The following CASKIN1 variants were observed in gnomAD, a reference collection of about 807,000 sequenced individuals.
CASKIN1 encodes caskin-1.
Under a neutral mutation model 117.5 loss-of-function variants are expected in CASKIN1, and 42 were observed. The ratio of observed to expected loss-of-function variants is 0.36; its 90% confidence interval spans 0.28 to 0.46. The LOEUF is 0.46. Among genes scored for constraint, CASKIN1 ranks in the 20% least tolerant of loss-of-function variants. The probability of loss-of-function intolerance (pLI) is 1.00; values close to 1 mark genes in which losing one functional copy is unlikely to be tolerated. For missense variants in CASKIN1, 2,083 were observed against 2,077.3 expected, an observed-to-expected ratio of 1.00 and a Z score of -0.05; for synonymous variants, 1,148 against 961.7, an observed-to-expected ratio of 1.19 and a Z score of -3.59.
intron 10 of CASKIN1, among the ~76,000 whole-genome samples, 163 bp from the exon 11 acceptor site, chr16:2,185,571 C>T (rs879399198): frequency 5.3e-5 from 8 of 152,250 alleles, no homozygotes; most frequent in Admixed American, 1.3e-4. Flanking sequence ...CCACCCCAGA[C>T]GTTTAGAGCA....
chr16:2,186,880 G>A, intron 9 of CASKIN1, 56 bp from the exon 10 acceptor site: 1 of 1,603,630 alleles, frequency 6.2e-7, no homozygotes, highest in Non-Finnish European at 8.5e-7. Flanking sequence ...AGAGTCTCCT[G>A]CCCAGTGCCC....
In CASKIN1 at chr16:2,181,460, C is replaced by T. The variant is rs570994763; in HGVS notation, c.1908G>A (p.Pro636=). The T allele has an allele frequency of 2.1e-5, 34 of 1,611,798 alleles. No homozygotes were observed. Among genetic ancestry groups the T allele is most frequent in the East Asian group, 4.5e-5 (2 of 44,862 alleles). Reference sequence around the variant, plus strand: ...GGCAGTCGGCCGGTGTGGGCTCAGGCGGGGGCGGCGACTCGATGGCCATCA... The same window carrying T: ...GGCAGTCGGCCGGTGTGGGCTCAGGTGGGGGCGGCGACTCGATGGCCATCA... ...LEVMAIESPP[P]PEPTPADCQS... is the part of the protein sequence containing the mutation. Residue 636 remains proline (P), a synonymous_variant, in exon 18 of 20, where the codon CCG becomes CCA. Coordinates refer to ENST00000343516, the MANE Select transcript of CASKIN1 (RefSeq NM_020764.4).
chr16:2,187,806 A>T (rs1312411721), intron 6 of CASKIN1, among the ~76,000 whole-genome samples: 1 of 150,774 alleles, frequency 6.6e-6, no homozygotes, highest in African/African-American at 2.5e-5. Flanking sequence ...TTTTTAGTAG[A>T]GACGGGGTTT....
In CASKIN1 at chr16:2,177,862, A is replaced by G. The variant is rs1596682825; in HGVS notation, c.*688T>C. On this transcript the variant is annotated 3_prime_UTR_variant, in exon 20 of 20. Transcript: ENST00000343516. ...AGCACGGAGGAGCCCCCGGCAGAGC[A>G]CCCGCCCCCGGGCCCCAGCCTTCCA... The G allele has an allele frequency of 3.5e-6, 1 of 289,008 alleles. No homozygotes were observed. Among genetic ancestry groups the G allele is most frequent in the Non-Finnish European group, 6.6e-6 (1 of 150,856 alleles). 17.9% of individuals were successfully genotyped at this position (289,008 alleles called of 1,614,324 possible).
chr16:2,195,676 C>T (rs942261688), intron 1 of CASKIN1, among the ~76,000 whole-genome samples: 1 of 152,194 alleles, frequency 6.6e-6, no homozygotes, highest in Non-Finnish European at 1.5e-5. Flanking sequence ...AGCTGGAGAC[C>T]CGGCTCTGCT....
Position 2,196,085 on chromosome 16 carries a change from C to T in CASKIN1, c.94+254G>A, listed in dbSNP as rs950973707. ...GTAGAGAGAGAGGGATGCGAACGCC[C>T]GCGGCCCGGGAGGCGGGTGCCGCCA... On this transcript the variant is annotated intron_variant, in intron 1 of 19. Coordinates refer to ENST00000343516, the MANE Select transcript of CASKIN1 (RefSeq NM_020764.4). The surrounding 1 kb of genome is among the most constrained non-coding windows in gnomAD (Gnocchi z 5.7). 9.2e-5 allele frequency among the ~76,000 whole-genome samples: 14 copies of T among 152,162 alleles called. No individual in the cohort carries two copies. The highest frequency in any genetic ancestry group is 3.4e-3 in the Middle Eastern group (1 of 292).
In CASKIN1 at chr16:2,180,297, G is replaced by A; in HGVS notation, c.3071C>T (p.Pro1024Leu). Residue 1024 changes from proline to leucine, a missense_variant, in exon 18 of 20, where the codon CCT becomes CTT. Physicochemically the swap from Pro to Leu is moderately conservative, Grantham distance 98 (BLOSUM62 -3). Around this residue, in one of 3 missense-constraint regions of CASKIN1, gnomAD observed 1,818 missense variants for 1,688.9 expected, o/e 1.08. Coordinates refer to ENST00000343516, the MANE Select transcript of CASKIN1 (RefSeq NM_020764.4). Reference protein sequence around the residue: ...GGGGRAARRPPEGHPTPRPAS... With the variant: ...GGGGRAARRPLEGHPTPRPAS... ...AGGGCGGGGAGTGGGGTGGCCCTCA[G>A]GAGGCCTGCGGGCAGCCCGGCCCCC... The A allele has an allele frequency of 6.3e-7, 1 of 1,584,096 alleles. No individual in the cohort carries two copies. The highest frequency in any genetic ancestry group is 8.6e-7 in the Non-Finnish European group (1 of 1,169,244).
rs1567263108 is a variant in CASKIN1 at position 2,189,409 on chromosome 16, CG to C, written c.390+9del. The stretch of plus-strand genomic sequence containing the variant: ...CCGCCCCCGCTGCCCCGCCCCCGCT[CG>C]GGCCTCACCACATCATAGTGACCAT... On this transcript the variant is annotated intron_variant, in intron 4 of 19. Transcript: ENST00000343516. 1 of 1,610,430 alleles carries C rather than the reference CG, an allele frequency of 6.2e-7. No homozygotes were observed.
intron 10 of CASKIN1, 64 bp from the exon 11 acceptor site, chr16:2,185,472 G>T: frequency 1.5e-6 from 2 of 1,378,196 alleles, no homozygotes; most frequent in Non-Finnish European, 2.0e-6. Flanking sequence ...CGCAGGGGAG[G>T]CAGGACAGAG....
chr16:2,184,132 G>C (rs1198106158), intron 14 of CASKIN1, among the ~76,000 whole-genome samples, 191 bp from the exon 15 acceptor site: 1 of 151,538 alleles, frequency 6.6e-6, no homozygotes, highest in African/African-American at 2.4e-5. Flanking sequence ...GGCGCCTCCT[G>C]GAGCATCCTC....
intron 19 of CASKIN1, 115 bp downstream of exon 19, chr16:2,178,787 C>A (rs1567256723): frequency 8.3e-7 from 1 of 1,198,982 alleles, no homozygotes; most frequent in South Asian, 1.9e-5. Flanking sequence ...GCTCACGGCA[C>A]GCCCATCTCT....
chr16:2,189,613 C>T (rs748739542), intron 3 of CASKIN1, 49 bp from the exon 4 acceptor site: 4 of 1,544,446 alleles, frequency 2.6e-6, no homozygotes, highest in Non-Finnish European at 3.5e-6. Flanking sequence ...CCAAACCCAA[C>T]CCTGGAGGAT....
rs536728811 is a variant in CASKIN1 at position 2,178,192 on chromosome 16, C to T, written c.*358G>A. 2 of 446,720 alleles carry T rather than the reference C, an allele frequency of 4.5e-6. No homozygotes were observed. The highest frequency in any genetic ancestry group is 5.2e-5 in the East Asian group (1 of 19,088). The allele number at this position is 446,720 out of a possible 1,614,324, so 27.7% of individuals were successfully genotyped here. On this transcript the variant is annotated 3_prime_UTR_variant, in exon 20 of 20. Coordinates refer to ENST00000343516, the MANE Select transcript of CASKIN1 (RefSeq NM_020764.4). Reference sequence around the variant, plus strand: ...TTGGTCCCCTGTCCCTTGTGCTGCGCCCGAGCGGCTGGCCGGGCGTCCCGA... The same window carrying T: ...TTGGTCCCCTGTCCCTTGTGCTGCGTCCGAGCGGCTGGCCGGGCGTCCCGA...
Position 2,189,220 on chromosome 16 carries a change from G to C in CASKIN1, c.486+18C>G. On this transcript the variant is annotated intron_variant, in intron 5 of 19. Transcript: ENST00000343516. The stretch of plus-strand genomic sequence containing the variant: ...GGGCTCCCCAGCCCCACCCCACAGG[G>C]CTCCACAGGAGACTCACCCCAACGC... The C allele has an allele frequency of 2.5e-6, 4 of 1,612,956 alleles. No homozygotes were observed. The highest frequency in any genetic ancestry group is 3.4e-6 in the Non-Finnish European group (4 of 1,179,828).
Position 2,179,081 on chromosome 16 carries a change from G to A in CASKIN1, c.4020C>T (p.Ala1340=), listed in dbSNP as rs1411635288. ...CGGCGGCGGCGGCTCGCGGGGGCTT[G>A]GCGGGCACGTGCAGCGCGGGCGCGC... The part of the protein sequence containing the change: ...SPGAPALHVP[A]KPPRAAAAAA... The change falls in exon 19 of 20, where the codon GCC becomes GCT. Residue 1340 remains alanine (A), a synonymous_variant. Transcript: ENST00000343516. The surrounding 1 kb of genome is among the most constrained non-coding windows in gnomAD (Gnocchi z 5.8). 3.0e-6 allele frequency: 3 copies of A among 986,818 alleles called. No homozygotes were observed. Among genetic ancestry groups the A allele is most frequent in the Non-Finnish European group, 2.4e-6 (2 of 832,712 alleles). 61.1% of individuals were successfully genotyped at this position (986,818 alleles called of 1,614,324 possible).
chr16:2,183,792 T>G, intron 15 of CASKIN1, 39 bp downstream of exon 15: 1 of 1,611,248 alleles, frequency 6.2e-7, no homozygotes, highest in Non-Finnish European at 8.5e-7. Context: ...GGCCCATCTG[T>G]GGGACGCAGC....
chr16:2,194,418 G>A (rs1007518442), intron 1 of CASKIN1, among the ~76,000 whole-genome samples: 3 of 152,070 alleles, frequency 2.0e-5, no homozygotes, highest in Non-Finnish European at 4.4e-5. Flanking sequence ...GGGGCTGGCT[G>A]AGCCTGGGGT....
intron 14 of CASKIN1, 110 bp downstream of exon 14, chr16:2,184,667 C>T: frequency 1.1e-5 from 10 of 937,268 alleles, no homozygotes; most frequent in Non-Finnish European, 1.3e-5. Context: ...CTGGCAATGC[C>T]CCCGACCCCG....
intron 1 of CASKIN1, among the ~76,000 whole-genome samples, chr16:2,191,401 G>A (rs2093201270): frequency 6.6e-6 from 1 of 152,234 alleles, no homozygotes; most frequent in Non-Finnish European, 1.5e-5. Flanking sequence ...GAAGGAGCCA[G>A]ACTGCTGTGA....
Sources: allele counts gnomAD v4.1 joint callset (sites outside exome capture counted in the v4.1 genomes callset), GRCh38; gene constraint gnomAD v4.1.1; regional missense constraint gnomAD v4.1.1; non-coding constraint Gnocchi (gnomAD v3.1); transcripts MANE v1.5; gene names NCBI Gene and HGNC (gene_info 2026-07-23, HGNC 2026-07-21).